CDKN2B-AS1: variants seen among roughly 807,000 people sequenced by gnomAD.
The protein encoded by CDKN2B-AS1 is CDKN2B and CDKN2A antisense cis and trans regulatory RNA 1, also known as CDKN2B antisense RNA 1 (non-protein coding).
chr9:22,012,392 C>A, intron 1 of CDKN2B-AS1: 1 of 849,776 alleles, frequency 1.2e-6, no homozygotes, highest in Non-Finnish European at 2.0e-6. Flanking sequence ...CATTATTGAG[C>A]CTTCACTCTT....
At chr9:22,036,168 TGGGTC>T (rs1279805250) in intron 1 of CDKN2B-AS1, among the ~76,000 whole-genome samples, 1 of 152,096 alleles carries the variant, frequency 6.6e-6, no homozygotes, top group Non-Finnish European at 1.5e-5. Context: ...TAATAAAACG[TGGGTC>T]AAAATTCACT....
At chr9:22,121,457 A>C (rs1188426565) in intron 4 of CDKN2B-AS1, among the ~76,000 whole-genome samples, 1 of 152,036 alleles carries the variant, frequency 6.6e-6, no homozygotes, top group African/African-American at 2.4e-5. Context: ...TAATTCGCAT[A>C]CCCAGTCATC....
At chr9:22,115,964 A>C (rs1223243665) in intron 4 of CDKN2B-AS1, among the ~76,000 whole-genome samples, 1 of 152,190 alleles carries the variant, frequency 6.6e-6, no homozygotes, top group Middle Eastern at 3.2e-3. Context: ...CCCTTCAGCT[A>C]AGCATGATTA....
At position 22,099,823 on chromosome 9, in the gene CDKN2B-AS1, T is replaced by C. The variant is rs200267344; in HGVS notation, n.439-27280T>C. ...AAAGGTGTGCATGGATAGATGCACA[T>C]GTATGTATTCATAAAGTTAATGTGG... On this transcript the variant is annotated intron_variant and non_coding_transcript_variant, in intron 4 of 4. Transcript: ENST00000650946. Among the ~76,000 whole-genome samples the C allele has an allele frequency of 9.2e-5, 14 of 152,270 alleles. No homozygotes were observed. In the East Asian group the frequency reaches 1.9e-3, roughly 21 times the overall value.
intron 1 of CDKN2B-AS1, among the ~76,000 whole-genome samples, chr9:22,014,912 C>A (rs1215006129): frequency 2.0e-5 from 3 of 151,926 alleles, no homozygotes; most frequent in Admixed American, 2.0e-4. Context: ...TTTCCAATTT[C>A]ATCCATGTCC....
At position 22,008,810 on chromosome 9, in the gene CDKN2B-AS1, C is replaced by T. The variant is rs1350895003; in HGVS notation, n.29+13649C>T. On this transcript the variant is annotated intron_variant and non_coding_transcript_variant, in intron 1 of 4. Coordinates refer to ENST00000650946, the Ensembl canonical transcript of CDKN2B-AS1. ...GGGCCCCAGCTACCTGGATCGCGCG[C>T]CTCCCGAAACGGTTGACTCCGTTGG... The T allele has an allele frequency of 3.1e-6, 5 of 1,605,102 alleles. No homozygotes were observed. In the East Asian group the frequency reaches 9.0e-5, roughly 29 times the overall value.
chr9:22,092,566 C>T (rs566122752), intron 4 of CDKN2B-AS1: 2 of 152,184 alleles, frequency 1.3e-5, no homozygotes, highest in African/African-American at 2.4e-5. Context: ...ATGTATGTGT[C>T]GAGGAATTTA....
At chr9:22,079,682 G>A (rs1335626655) in intron 4 of CDKN2B-AS1, among the ~76,000 whole-genome samples, 5 of 152,060 alleles carry the variant, frequency 3.3e-5, no homozygotes, top group East Asian at 1.9e-4. Flanking sequence ...AAAAGCGAGT[G>A]TTTCCTTTTT....
At chr9:22,102,925 A>C (rs911642194) in intron 4 of CDKN2B-AS1, among the ~76,000 whole-genome samples, 13 of 152,152 alleles carry the variant, frequency 8.5e-5, no homozygotes, top group Non-Finnish European at 1.3e-4. Flanking sequence ...TCATGAGATT[A>C]TAGACTATTA....
intron 1 of CDKN2B-AS1, chr9:22,030,745 G>T (rs1034876438): frequency 2.0e-5 from 3 of 151,660 alleles, no homozygotes; most frequent in Admixed American, 6.6e-5. Flanking sequence ...TTCTTATGAG[G>T]TAAGTATTAA....
intron 4 of CDKN2B-AS1, among the ~76,000 whole-genome samples, chr9:22,124,045 C>T (rs1826142451): frequency 6.6e-6 from 1 of 151,398 alleles, no homozygotes. Flanking sequence ...GACAAATACA[C>T]CAAACTGATG....
chr9:22,037,376 T>G (rs1430500083), intron 1 of CDKN2B-AS1, among the ~76,000 whole-genome samples: 1 of 152,088 alleles, frequency 6.6e-6, no homozygotes, highest in Non-Finnish European at 1.5e-5. Context: ...TAGCCATGTC[T>G]CAGTGCTGGG....
rs1399303950 is a variant in CDKN2B-AS1 at position 22,001,102 on chromosome 9, G to C, written n.29+5941G>C. On this transcript the variant is annotated intron_variant and non_coding_transcript_variant, in intron 1 of 4. Transcript: ENST00000650946. This position sits in a 1 kb window ranked among gnomAD's most constrained non-coding sequence, Gnocchi z 4.2. ...TCGTTTAAAATGGAATGGAGACCCA[G>C]AGGTCACATAAGACAGGGTTCAGAG... Among the ~76,000 whole-genome samples the C allele has an allele frequency of 6.6e-6, 1 of 152,122 alleles. No homozygotes were observed. Among genetic ancestry groups the C allele is most frequent in the Non-Finnish European group, 1.5e-5 (1 of 68,004 alleles).
chr9:22,117,792 G>A (rs1825991467), intron 4 of CDKN2B-AS1: 1 of 152,220 alleles, frequency 6.6e-6, no homozygotes, highest in African/African-American at 2.4e-5. Flanking sequence ...CCTGGGAAGA[G>A]GTTCAAGGAT....
intron 4 of CDKN2B-AS1, among the ~76,000 whole-genome samples, chr9:22,100,550 T>A (rs779786666): frequency 2.0e-5 from 3 of 152,206 alleles, no homozygotes. Flanking sequence ...CACCTTTTGT[T>A]TTTCTGTTCA....
chr9:22,067,035 TG>T (rs1824072999), intron 4 of CDKN2B-AS1, among the ~76,000 whole-genome samples: 1 of 151,628 alleles, frequency 6.6e-6, no homozygotes, highest in Non-Finnish European at 1.5e-5. Context: ...GGACACAGGG[TG>T]GGGAACATCA....
intron 4 of CDKN2B-AS1, among the ~76,000 whole-genome samples, chr9:22,098,893 C>T (rs1321875697): frequency 1.3e-5 from 2 of 152,126 alleles, no homozygotes; most frequent in Non-Finnish European, 2.9e-5. Flanking sequence ...CCAATAAATG[C>T]TTACTGAATG....
chr9:22,008,470 T>C (rs1489249367), intron 1 of CDKN2B-AS1, among the ~76,000 whole-genome samples: 1 of 152,212 alleles, frequency 6.6e-6, no homozygotes, highest in African/African-American at 2.4e-5. Flanking sequence ...ATCTTTATCG[T>C]TGAAAGCAGA....
chr9:22,104,344 G>C (rs1825585995), intron 4 of CDKN2B-AS1, among the ~76,000 whole-genome samples: 1 of 152,220 alleles, frequency 6.6e-6, no homozygotes, highest in South Asian at 2.1e-4. Flanking sequence ...GTGAGATTAT[G>C]GAAGTGACTT....
Sources: allele counts gnomAD v4.1 joint callset (sites outside exome capture counted in the v4.1 genomes callset), GRCh38; gene constraint gnomAD v4.1.1; non-coding constraint Gnocchi (gnomAD v3.1); transcripts MANE v1.5; gene names NCBI Gene and HGNC (gene_info 2026-07-23, HGNC 2026-07-21).